Variants in TXNDC16 observed in about 807,000 individuals in gnomAD.
TXNDC16 encodes thioredoxin domain containing 16, also known as thioredoxin domain-containing protein 16.
Under a neutral mutation model 85.6 loss-of-function variants are expected in TXNDC16, and 74 were observed. The observed-to-expected ratio is 0.86, with a 90% confidence interval of 0.72 to 1.05. The LOEUF is 1.05. Ranked by LOEUF, TXNDC16 falls within the 50% of genes least tolerant of loss-of-function variation. The probability of loss-of-function intolerance (pLI) is 0.00; values close to 1 mark genes in which losing one functional copy is unlikely to be tolerated. For synonymous variants in TXNDC16, 335 were observed against 326.5 expected (o/e 1.03, Z -0.28); for missense variants, 959 against 947.0 (o/e 1.01, Z -0.17).
chr14:52,450,527 AC>A (rs1356607798), intron 18 of TXNDC16, among the ~76,000 whole-genome samples: 1 of 151,720 alleles, frequency 6.6e-6, no homozygotes, highest in Non-Finnish European at 1.5e-5. Flanking sequence ...AAGAACTAAT[AC>A]CAATTATCAG....
At chr14:52,500,250 C>T (rs567283561) in intron 9 of TXNDC16, among the ~76,000 whole-genome samples, 89 of 152,282 alleles carry the variant, frequency 5.8e-4, no homozygotes, top group Non-Finnish European at 8.1e-4. Context: ...GCGGTATATA[C>T]GTCCAACGGA....
chr14:52,457,126 A>G lies in TXNDC16; in HGVS notation c.1667T>C (p.Ile556Thr). 6.3e-7 allele frequency: 1 copy of G among 1,594,272 alleles called. No homozygotes were observed. Among genetic ancestry groups the G allele is most frequent in the African/African-American group, 1.4e-5 (1 of 73,766 alleles). The change falls in exon 17 of 21, where the codon ATC becomes ACC. Residue 556 changes from isoleucine (I) to threonine (T), a missense_variant. By Grantham distance (89) the Ile-to-Thr change is moderately conservative (BLOSUM62 -1). Transcript: ENST00000281741. Reference protein sequence around the residue: ...EAGNYLKGYVITGIYSEEDVL... With the variant: ...EAGNYLKGYVTTGIYSEEDVL... ...ATCTTCTTCAGAATAAATTCCAGTG[A>G]TAACATATCCTTTTAGGTAGTTTCC...
intron 9 of TXNDC16, among the ~76,000 whole-genome samples, chr14:52,509,438 A>T (rs962543877): frequency 5.3e-5 from 8 of 151,994 alleles, no homozygotes; most frequent in African/African-American, 1.9e-4. Flanking sequence ...ATTAAAACAT[A>T]TTCAGAGGGT....
intron 8 of TXNDC16, among the ~76,000 whole-genome samples, chr14:52,512,261 C>G (rs1166459139): frequency 6.6e-6 from 1 of 152,066 alleles, no homozygotes; most frequent in South Asian, 2.1e-4. Flanking sequence ...ACAATTACAT[C>G]CTTGAAAGAG....
At chr14:52,472,892 G>A (rs569328023) in intron 14 of TXNDC16, among the ~76,000 whole-genome samples, 1 of 152,270 alleles carries the variant, frequency 6.6e-6, no homozygotes, top group East Asian at 1.9e-4. Context: ...GTACCGGCAG[G>A]AACTAAGGAC....
chr14:52,435,047 T>C (rs1290510049), intron 20 of TXNDC16, among the ~76,000 whole-genome samples: 3 of 152,176 alleles, frequency 2.0e-5, no homozygotes, highest in Admixed American at 1.3e-4. Flanking sequence ...GATCTTTACA[T>C]AGGTGATGAT....
At chr14:52,525,374 A>G (rs1226701405) in intron 6 of TXNDC16, among the ~76,000 whole-genome samples, 1 of 152,016 alleles carries the variant, frequency 6.6e-6, no homozygotes, top group Non-Finnish European at 1.5e-5. Flanking sequence ...AAATAAATAT[A>G]AATTGCTCAT....
rs918132023 is a variant in TXNDC16 at position 52,515,267 on chromosome 14, A to C, written c.515-297T>G. On this transcript the variant is annotated intron_variant, in intron 7 of 20. Transcript: ENST00000281741. ...TCTAGTAGTAGGGAAAAGAATATGA[A>C]TCCACCATACAACTTTCATGTTAGG... Among the ~76,000 whole-genome samples the C allele has an allele frequency of 2.6e-5, 4 of 152,176 alleles. No homozygotes were observed. In the East Asian group the frequency reaches 7.7e-4, roughly 29 times the overall value.
chr14:52,530,018 T>A (rs868337634), intron 6 of TXNDC16, among the ~76,000 whole-genome samples: 3 of 102,842 alleles, frequency 2.9e-5, no homozygotes, highest in Non-Finnish European at 5.2e-5. Flanking sequence ...TATTATATAT[T>A]ATATGTTATA....
At chr14:52,443,694 A>G (rs768409271) in intron 18 of TXNDC16, among the ~76,000 whole-genome samples, 3 of 152,244 alleles carry the variant, frequency 2.0e-5, no homozygotes, top group Non-Finnish European at 2.9e-5. Context: ...TAATGCCTTC[A>G]TAAGTATTCT....
chr14:52,510,545 G>A (rs1443915134), intron 9 of TXNDC16, among the ~76,000 whole-genome samples: 1 of 149,984 alleles, frequency 6.7e-6, no homozygotes, highest in Non-Finnish European at 1.5e-5. Flanking sequence ...AAGTGTGGTG[G>A]TCATCTAAAT....
intron 6 of TXNDC16, among the ~76,000 whole-genome samples, chr14:52,526,094 T>G (rs1408589576): frequency 1.3e-5 from 2 of 152,198 alleles, no homozygotes; most frequent in East Asian, 3.8e-4. Context: ...GAGGGCCAAC[T>G]GTATTACCAT....
intron 20 of TXNDC16, among the ~76,000 whole-genome samples, chr14:52,438,202 T>C (rs187700164): frequency 4.6e-5 from 7 of 152,336 alleles, no homozygotes; most frequent in African/African-American, 9.6e-5. Context: ...ATAAACTTAG[T>C]TGATAAAGCA....
intron 6 of TXNDC16, among the ~76,000 whole-genome samples, chr14:52,526,333 C>T (rs1170974122): frequency 2.6e-5 from 4 of 152,146 alleles, no homozygotes; most frequent in African/African-American, 9.7e-5. Flanking sequence ...TCTACTTCAT[C>T]CTCCACCCCC....
intron 8 of TXNDC16, among the ~76,000 whole-genome samples, chr14:52,514,480 T>A (rs765567921): frequency 6.6e-6 from 1 of 152,182 alleles, no homozygotes; most frequent in Non-Finnish European, 1.5e-5. Context: ...GTTCAAAAAC[T>A]GTACCTAAAT....
Position 52,440,686 on chromosome 14 carries a change from T to G in TXNDC16, c.1881A>C (p.Arg627Ser). The part of the protein sequence containing the change: ...ITVENLPSYF[R>S]LQKPLLILFS... ...ACAAAATCAATAATGGTTTCTGAAGTCTGAAATAACTGGGAAGATTTTCCA... is the reference window on the plus strand; with the variant it reads ...ACAAAATCAATAATGGTTTCTGAAGGCTGAAATAACTGGGAAGATTTTCCA... The change falls in exon 19 of 21, where the codon AGA becomes AGC. Residue 627 changes from arginine to serine, a missense_variant. Transcript: ENST00000281741. The G allele has an allele frequency of 6.2e-7, 1 of 1,607,762 alleles. No homozygotes were observed. The highest frequency in any genetic ancestry group is 8.5e-7 in the Non-Finnish European group (1 of 1,178,486).
At chr14:52,471,005 T>C (rs1485042493) in intron 14 of TXNDC16, among the ~76,000 whole-genome samples, 2 of 152,224 alleles carry the variant, frequency 1.3e-5, no homozygotes, top group Non-Finnish European at 2.9e-5. Context: ...ATCTAATGAA[T>C]CCTAAATTTA....
intron 9 of TXNDC16, among the ~76,000 whole-genome samples, chr14:52,503,294 C>A (rs1004023155): frequency 1.3e-5 from 2 of 152,228 alleles, no homozygotes; most frequent in African/African-American, 4.8e-5. Context: ...GTCCCTGACC[C>A]CCAAGTAGCC....
At chr14:52,454,124 T>C (rs1006867458) in intron 18 of TXNDC16, among the ~76,000 whole-genome samples, 1 of 152,190 alleles carries the variant, frequency 6.6e-6, no homozygotes, top group African/African-American at 2.4e-5. Flanking sequence ...CATTGCATGT[T>C]TGTATCAAAA....
Sources: gnomAD v4.1 joint callset for allele counts (sites outside exome capture counted in the v4.1 genomes callset) on GRCh38, gnomAD v4.1.1 for gene constraint, MANE v1.5 for transcripts, NCBI Gene and HGNC (gene_info 2026-07-23, HGNC 2026-07-21) for gene names.